The following RAB38 variants were observed in gnomAD, a reference collection of about 807,000 sequenced individuals.
The protein encoded by RAB38 is ras-related protein Rab-38.
In RAB38, 15 loss-of-function variants were observed where a neutral mutation model predicts 18.4. The observed-to-expected ratio is 0.82, with a 90% CI of 0.55 to 1.26. The LOEUF (loss-of-function observed/expected upper bound fraction) is 1.26. Ranked by LOEUF, RAB38 falls within the 50% of genes most tolerant of loss-of-function variation. The pLI is 0.00. For synonymous variants in RAB38, 101 were observed against 104.4 expected, an observed-to-expected ratio of 0.97 and a Z score of 0.20; for missense variants, 294 against 267.4, an observed-to-expected ratio of 1.10 and a Z score of -0.69.
the RAB38 span, among the ~76,000 whole-genome samples, chr11:87,805,484 T>C: frequency 6.6e-6 from 1 of 152,038 alleles, no homozygotes; most frequent in Non-Finnish European, 1.5e-5. Context: ...GAGCTCTCTC[T>C]AGATGTCAGA....
chr11:88,134,903 C>A (rs537893245), intron 2 of RAB38, among the ~76,000 whole-genome samples: 1 of 152,296 alleles, frequency 6.6e-6, no homozygotes, highest in East Asian at 1.9e-4. Context: ...CAGGACATCA[C>A]CTCTCTGACC....
At chr11:87,964,929 A>G in the RAB38 span, among the ~76,000 whole-genome samples, 3 of 152,302 alleles carry the variant, frequency 2.0e-5, no homozygotes, top group African/African-American at 7.2e-5. Flanking sequence ...TTGCATCCCA[A>G]TATGTTTCCT....
the RAB38 span, among the ~76,000 whole-genome samples, chr11:88,053,792 T>A: frequency 4.7e-5 from 5 of 106,922 alleles, no homozygotes; most frequent in South Asian, 2.9e-4. Context: ...GGACTTAAGC[T>A]TTTTTTTTTT....
At chr11:87,866,436 T>C in the RAB38 span, among the ~76,000 whole-genome samples, 1 of 151,850 alleles carries the variant, frequency 6.6e-6, no homozygotes, top group South Asian at 2.1e-4. Flanking sequence ...TATAAACATG[T>C]TTATCAGGCA....
chr11:87,951,479 A>C, the RAB38 span, among the ~76,000 whole-genome samples: 2 of 149,974 alleles, frequency 1.3e-5, no homozygotes, highest in Non-Finnish European at 3.0e-5. Context: ...TCTGCTTTTT[A>C]GAGTTTCTGG....
chr11:88,071,816 C>G, the RAB38 span, among the ~76,000 whole-genome samples: 1 of 152,136 alleles, frequency 6.6e-6, no homozygotes, highest in Admixed American at 6.5e-5. Context: ...CAGAAACAAG[C>G]CTCTGATACT....
intron 1 of RAB38, among the ~76,000 whole-genome samples, chr11:88,168,580 C>T (rs1315529716): frequency 6.6e-6 from 1 of 152,152 alleles, no homozygotes; most frequent in Admixed American, 6.5e-5. Context: ...ATTCCGATCA[C>T]CCCTAAATTT....
chr11:87,874,971 A>T, the RAB38 span, among the ~76,000 whole-genome samples: 80 of 151,640 alleles, frequency 5.3e-4, no homozygotes, highest in Non-Finnish European at 4.4e-5. Flanking sequence ...AGTTGAAATC[A>T]ATATGTTGAA....
the RAB38 span, among the ~76,000 whole-genome samples, chr11:88,021,853 CAA>C: frequency 1.7e-5 from 2 of 120,396 alleles, no homozygotes; most frequent in Non-Finnish European, 1.7e-5. Context: ...AACTCCATCT[CAA>C]AAAAAAAAAA....
At chr11:88,007,217 G>A in the RAB38 span, among the ~76,000 whole-genome samples, 9 of 151,750 alleles carry the variant, frequency 5.9e-5, no homozygotes, top group Admixed American at 5.9e-4. Flanking sequence ...AAAAATTTGG[G>A]AGAATGTCTA....
the RAB38 span, among the ~76,000 whole-genome samples, chr11:87,846,265 G>A: frequency 6.6e-6 from 1 of 151,954 alleles, no homozygotes; most frequent in African/African-American, 2.4e-5. Flanking sequence ...TACATAAAAC[G>A]TTATTGGTTT....
downstream of RAB38, among the ~76,000 whole-genome samples, chr11:88,109,559 G>T (rs1465526952): frequency 2.0e-5 from 3 of 152,124 alleles, no homozygotes; most frequent in African/African-American, 4.8e-5. Flanking sequence ...CACAGCAAAA[G>T]AAACTATCAT....
chr11:88,090,775 A>G, the RAB38 span, among the ~76,000 whole-genome samples: 14 of 152,038 alleles, frequency 9.2e-5, no homozygotes, highest in Admixed American at 7.9e-4. Flanking sequence ...AAAAACCTAC[A>G]GTGCTCAACT....
At chr11:87,976,829 A>C in the RAB38 span, among the ~76,000 whole-genome samples, 1 of 69,626 alleles carries the variant, frequency 1.4e-5, no homozygotes, top group African/African-American at 6.7e-5. Context: ...ACAATGTATA[A>C]TATAAATATA....
At chr11:88,080,096 T>C in the RAB38 span, among the ~76,000 whole-genome samples, 1 of 151,454 alleles carries the variant, frequency 6.6e-6, no homozygotes, top group African/African-American at 2.4e-5. Context: ...AATGGAGAAA[T>C]AAAACTGTCT....
the RAB38 span, among the ~76,000 whole-genome samples, chr11:88,052,887 G>C: frequency 3.5e-5 from 3 of 86,480 alleles, no homozygotes; most frequent in Non-Finnish European, 6.6e-5. Context: ...TCCCAGGGCA[G>C]AAGGAAAAAA....
the RAB38 span, among the ~76,000 whole-genome samples, chr11:87,812,965 C>T: frequency 6.6e-6 from 1 of 152,136 alleles, no homozygotes; most frequent in African/African-American, 2.4e-5. Context: ...AGAAATTCTC[C>T]GAGAATGAAT....
At chr11:87,922,897 G>A in the RAB38 span, among the ~76,000 whole-genome samples, 1 of 150,852 alleles carries the variant, frequency 6.6e-6, no homozygotes, top group African/African-American at 2.4e-5. Context: ...GATGGAAGGG[G>A]GAAGGGAGGA....
At chr11:88,169,611 C>T (rs302648) in intron 1 of RAB38, among the ~76,000 whole-genome samples, 127,243 of 152,122 alleles carry the variant, frequency 0.84, 53,600 homozygotes, top group Middle Eastern at 0.93. Flanking sequence ...GCAAAGGAGA[C>T]TGAATTAGAG....
Sources: gnomAD v4.1 joint callset for allele counts (sites outside exome capture counted in the v4.1 genomes callset) on GRCh38, gnomAD v4.1.1 for gene constraint, MANE v1.5 for transcripts, NCBI Gene and HGNC (gene_info 2026-07-23, HGNC 2026-07-21) for gene names.